UBP1: variants seen among roughly 807,000 people sequenced by gnomAD.
The protein encoded by UBP1 is upstream binding protein 1.
A neutral mutation model predicts 76.1 loss-of-function variants in UBP1; 22 were observed. The observed-to-expected ratio is 0.29, with a 90% CI of 0.21 to 0.41. The LOEUF (loss-of-function observed/expected upper bound fraction) is 0.41, where lower values mean the gene tolerates loss of function less well. Among genes scored for constraint, UBP1 ranks in the 10% least tolerant of loss-of-function variants. The probability of loss-of-function intolerance (pLI) is 1.00; values close to 1 mark genes in which losing one functional copy is unlikely to be tolerated. For synonymous variants in UBP1, 224 were observed against 237.1 expected (o/e 0.94, Z 0.51); for missense variants, 436 against 668.1 (o/e 0.65, Z 3.83).
intron 13 of UBP1, among the ~76,000 whole-genome samples, chr3:33,394,195 TTA>T (rs2043877010): frequency 6.4e-5 from 4 of 62,868 alleles, no homozygotes; most frequent in East Asian, 1.2e-3. Flanking sequence ...CTAATTTTTA[TTA>T]TTATTATTAT....
chr3:33,434,928 G>A (rs1307884326), intron 1 of UBP1, among the ~76,000 whole-genome samples: 3 of 151,990 alleles, frequency 2.0e-5, no homozygotes, highest in Admixed American at 6.6e-5. Context: ...CTCGTGATCC[G>A]CCCACCTTGG....
rs2045267185 is a variant in UBP1, at chr3:33,440,023, C to T, written c.-175G>A. 3 of 556,660 alleles carry T rather than the reference C, an allele frequency of 5.4e-6. No individual in the cohort carries two copies. Among genetic ancestry groups the T allele is most frequent in the Middle Eastern group, 4.8e-4 (1 of 2,104 alleles). 34.5% of individuals were successfully genotyped at this position (556,660 alleles called of 1,614,324 possible). On this transcript the variant is annotated 5_prime_UTR_variant, in exon 1 of 16. Coordinates refer to ENST00000283629, the MANE Select transcript of UBP1 (RefSeq NM_014517.5). ...CGGGGGCCCCACTGGCAGGGCACGA[C>T]GAGCCCAGCGAGCAATTGCAGCGGG...
intron 15 of UBP1, 153 bp from the exon 16 acceptor site, chr3:33,390,521 C>G: frequency 1.3e-6 from 1 of 767,010 alleles, no homozygotes; most frequent in Non-Finnish European, 2.1e-6. Flanking sequence ...CTTGCTCTAG[C>G]TCCTCTTCCC....
intron 1 of UBP1, among the ~76,000 whole-genome samples, chr3:33,438,907 G>T (rs530059122): frequency 6.6e-6 from 1 of 152,158 alleles, no homozygotes; most frequent in African/African-American, 2.4e-5. Flanking sequence ...TTATTGAAAA[G>T]CTGCCAAACC....
chr3:33,411,586 T>C lies in UBP1; in HGVS notation c.550A>G (p.Ile184Val). The C allele has an allele frequency of 6.2e-7, 1 of 1,614,034 alleles. No homozygotes were observed. Among genetic ancestry groups the C allele is most frequent in the Non-Finnish European group, 8.5e-7 (1 of 1,179,926 alleles). Residue 184 changes from isoleucine to valine, a missense_variant, in exon 5 of 16, where the codon ATT becomes GTT. Ile to Val is a conservative substitution (Grantham distance 29). This residue lies in a region of UBP1 where 161 missense variants were observed against 237.9 expected (regional missense o/e 0.68). Coordinates refer to ENST00000283629, the MANE Select transcript of UBP1 (RefSeq NM_014517.5). ...WDPAKRTSAF[I>V]QVHCISTEFT... ...AATAATGTAAAAATCCAAACCTGAA[T>C]GAAAGCAGAGGTGCGTTTTGCTGGG...
chr3:33,409,197 T>C, intron 7 of UBP1, 39 bp downstream of exon 7: 3 of 1,595,818 alleles, frequency 1.9e-6, no homozygotes, highest in Non-Finnish European at 2.6e-6. Context: ...ATATGCAACC[T>C]TTGCTTCTCT....
intron 8 of UBP1, among the ~76,000 whole-genome samples, chr3:33,406,071 T>C (rs1016320686): frequency 1.3e-5 from 2 of 152,196 alleles, no homozygotes; most frequent in African/African-American, 4.8e-5. Context: ...CATAGCAACT[T>C]TGCTATAAAT....
chr3:33,403,151 A>G (rs1349339152), intron 8 of UBP1: 1 of 411,416 alleles, frequency 2.4e-6, no homozygotes, highest in Admixed American at 4.2e-5. Context: ...GCAAAAATTT[A>G]TAAAGGCATT....
At chr3:33,407,681 G>A (rs1393672793) in intron 8 of UBP1, among the ~76,000 whole-genome samples, 1 of 152,148 alleles carries the variant, frequency 6.6e-6, no homozygotes, top group African/African-American at 2.4e-5. Flanking sequence ...TTGGAAATGA[G>A]TTTCTTGTGA....
At chr3:33,404,698 A>G (rs923600146) in intron 8 of UBP1, among the ~76,000 whole-genome samples, 7 of 152,154 alleles carry the variant, frequency 4.6e-5, no homozygotes, top group African/African-American at 7.2e-5. Context: ...GTTTTTCTGT[A>G]AGTCAGGTGA....
At chr3:33,413,901 G>A (rs2044662476) in intron 3 of UBP1, among the ~76,000 whole-genome samples, 1 of 152,170 alleles carries the variant, frequency 6.6e-6, no homozygotes, top group African/African-American at 2.4e-5. Context: ...AGACACCAAT[G>A]CCAGTGGTTC....
At chr3:33,424,694 CA>C (rs1295921872) in intron 2 of UBP1, among the ~76,000 whole-genome samples, 29 of 152,194 alleles carry the variant, frequency 1.9e-4, no homozygotes, top group Non-Finnish European at 3.5e-4. Context: ...CTTTTGTTTA[CA>C]GGGGTAAGTC....
intron 3 of UBP1, among the ~76,000 whole-genome samples, chr3:33,415,754 A>C (rs373704262): frequency 2.1e-5 from 3 of 145,932 alleles, no homozygotes; most frequent in African/African-American, 5.0e-5. Context: ...ATACATTAAC[A>C]AAAAAAAAAA....
At chr3:33,411,461 G>A (rs1005487055) in intron 5 of UBP1, 120 bp downstream of exon 5, 100 of 809,914 alleles carry the variant, frequency 1.2e-4, no homozygotes, top group Non-Finnish European at 1.9e-4. Context: ...TATATAGAAA[G>A]ACACTACAAC....
At chr3:33,396,051 C>T in intron 13 of UBP1, 111 bp downstream of exon 13, 1 of 970,096 alleles carries the variant, frequency 1.0e-6, no homozygotes, top group Non-Finnish European at 1.5e-6. Flanking sequence ...ACATGAGCAA[C>T]TTGGCATTCC....
intron 1 of UBP1, among the ~76,000 whole-genome samples, chr3:33,426,365 T>C (rs898385062): frequency 1.3e-5 from 2 of 152,068 alleles, no homozygotes; most frequent in African/African-American, 4.8e-5. Context: ...GGGGCACTGA[T>C]TGGGAGAATG....
chr3:33,427,571 T>A (rs1166846842), intron 1 of UBP1, among the ~76,000 whole-genome samples: 6 of 152,210 alleles, frequency 3.9e-5, no homozygotes, highest in Admixed American at 2.0e-4. Context: ...CCAGGTCAAT[T>A]CAATTCAATT....
intron 2 of UBP1, among the ~76,000 whole-genome samples, chr3:33,424,429 T>C (rs2044975679): frequency 6.6e-6 from 1 of 152,236 alleles, no homozygotes; most frequent in Non-Finnish European, 1.5e-5. Context: ...AAAAATTCTA[T>C]TTAATGACAG....
intron 1 of UBP1, among the ~76,000 whole-genome samples, chr3:33,439,431 G>T (rs2045253065): frequency 6.6e-6 from 1 of 152,232 alleles, no homozygotes; most frequent in Non-Finnish European, 1.5e-5. Flanking sequence ...ATAAGGAAAA[G>T]AAGCCCCTTC....
Sources: allele counts gnomAD v4.1 joint callset (sites outside exome capture counted in the v4.1 genomes callset), GRCh38; gene constraint gnomAD v4.1.1; regional missense constraint gnomAD v4.1.1; transcripts MANE v1.5; gene names NCBI Gene and HGNC (gene_info 2026-07-23, HGNC 2026-07-21).